TACC2: variants seen among roughly 807,000 people sequenced by gnomAD.
TACC2 encodes the protein transforming acidic coiled-coil containing protein 2, also known as transforming acidic coiled-coil-containing protein 2.
In TACC2, 137 loss-of-function variants were observed where a neutral mutation model predicts 227.3. That is an observed-to-expected ratio of 0.60 (90% CI 0.52 to 0.69). The LOEUF is 0.69. Among genes scored for constraint, TACC2 ranks in the 30% least tolerant of loss-of-function variants. The probability of loss-of-function intolerance (pLI) is 0.00; values close to 1 mark genes in which losing one functional copy is unlikely to be tolerated. For missense variants in TACC2, 3,470 were observed against 3,694.4 expected (o/e 0.94, Z 1.57); for synonymous variants, 1,523 against 1,487.5 (o/e 1.02, Z -0.55).
Position 122,105,624 on chromosome 10 carries a change from C to CT in TACC2, c.5573+17046dup, listed in dbSNP as rs10700461. Among the ~76,000 whole-genome samples, 338 of 144,506 alleles carry CT rather than the reference C, an allele frequency of 2.3e-3. 3 individuals carry two copies. The highest frequency in any genetic ancestry group is 6.9e-3 in the African/African-American group (273 of 39,440). The allele number at this position is 144,506 out of a possible 152,430, so 94.8% of individuals were successfully genotyped here. ...TCCACGTAGCGTCCTGTCTTAAACA[C>CT]TTTTTTTTTTTTTGAGATGGAGTCT... On this transcript the variant is annotated intron_variant, in intron 5 of 22. Transcript: ENST00000369005.
chr10:122,125,449 C>T (rs2086646673), intron 5 of TACC2, among the ~76,000 whole-genome samples: 1 of 152,194 alleles, frequency 6.6e-6, no homozygotes, highest in Non-Finnish European at 1.5e-5. Flanking sequence ...GATCCTCCTG[C>T]TTCAGCCTCC....
chr10:121,993,256 C>T (rs1367035986), intron 1 of TACC2, among the ~76,000 whole-genome samples: 1 of 152,164 alleles, frequency 6.6e-6, no homozygotes. Context: ...ACTCAACTAA[C>T]TTTTAAATGT....
At chr10:122,117,518 A>G (rs369301640) in intron 5 of TACC2, among the ~76,000 whole-genome samples, 2 of 152,076 alleles carry the variant, frequency 1.3e-5, no homozygotes, top group Admixed American at 6.6e-5. Context: ...TTAATTGTTC[A>G]TTTATATTTT....
At chr10:122,114,008 T>C (rs1169276871) in intron 5 of TACC2, among the ~76,000 whole-genome samples, 1 of 152,242 alleles carries the variant, frequency 6.6e-6, no homozygotes, top group Non-Finnish European at 1.5e-5. Context: ...TCATCATCAC[T>C]GTTACTGTTG....
At chr10:122,120,621 C>G (rs531744688) in intron 5 of TACC2, among the ~76,000 whole-genome samples, 1 of 152,298 alleles carries the variant, frequency 6.6e-6, no homozygotes, top group African/African-American at 2.4e-5. Context: ...TGGAGCTCAG[C>G]CTCGTGCGGC....
intron 1 of TACC2, among the ~76,000 whole-genome samples, chr10:121,999,355 A>G (rs1225445254): frequency 6.6e-6 from 1 of 152,214 alleles, no homozygotes; most frequent in Non-Finnish European, 1.5e-5. Flanking sequence ...ACTTTTGGTC[A>G]TTCAGAAAAA....
At chr10:122,232,336 T>C (rs2095770875) in intron 16 of TACC2, among the ~76,000 whole-genome samples, 1 of 150,814 alleles carries the variant, frequency 6.6e-6, no homozygotes, top group Non-Finnish European at 1.5e-5. Flanking sequence ...GGTGAGTAGC[T>C]CAGGGTGGAT....
chr10:122,040,066 C>A (rs1268406070), intron 2 of TACC2, among the ~76,000 whole-genome samples: 1 of 152,170 alleles, frequency 6.6e-6, no homozygotes, highest in African/African-American at 2.4e-5. Flanking sequence ...TCACTTAGGC[C>A]TCCTGGGAGG....
chr10:122,162,978 TGCAGCCCCAGCCCGCTC>T (rs983886330), intron 7 of TACC2, among the ~76,000 whole-genome samples: 7 of 152,058 alleles, frequency 4.6e-5, no homozygotes, highest in African/African-American at 1.2e-4. Flanking sequence ...AAGATGGTGT[TGCAGCCCCAGCCCGCTC>T]GCAGGCCCAG....
intron 5 of TACC2, among the ~76,000 whole-genome samples, chr10:122,095,755 G>A (rs988508902): frequency 3.3e-5 from 5 of 152,240 alleles, no homozygotes; most frequent in Non-Finnish European, 7.3e-5. Context: ...GTCCACCGAC[G>A]GTTCTTCAGT....
At chr10:122,133,697 A>G (rs998044174) in intron 6 of TACC2, among the ~76,000 whole-genome samples, 1 of 152,100 alleles carries the variant, frequency 6.6e-6, no homozygotes, top group Non-Finnish European at 1.5e-5. Context: ...TCCTCCCAGA[A>G]GCCTTCTCCC....
At chr10:122,133,318 G>C (rs956762468) in intron 6 of TACC2, among the ~76,000 whole-genome samples, 1 of 152,002 alleles carries the variant, frequency 6.6e-6, no homozygotes, top group Non-Finnish European at 1.5e-5. Flanking sequence ...ACGGTTCTCC[G>C]TCTACACTGT....
chr10:122,098,542 C>G (rs1212538785), intron 5 of TACC2, among the ~76,000 whole-genome samples: 1 of 152,080 alleles, frequency 6.6e-6, no homozygotes, highest in Non-Finnish European at 1.5e-5. Context: ...CCTTAGCCAC[C>G]CTAAGTTTCT....
At chr10:122,135,020 G>A (rs771825439) in intron 6 of TACC2, among the ~76,000 whole-genome samples, 1 of 152,164 alleles carries the variant, frequency 6.6e-6, no homozygotes, top group African/African-American at 2.4e-5. Flanking sequence ...GTGTTTCATC[G>A]AGTGTCTCCG....
chr10:122,100,796 G>A (rs139882421), intron 5 of TACC2, among the ~76,000 whole-genome samples: 33 of 152,282 alleles, frequency 2.2e-4, no homozygotes, highest in African/African-American at 7.7e-4. Flanking sequence ...GCAGAAGCAG[G>A]CCCAGACTGT....
At chr10:122,117,202 T>TTC (rs1282452648) in intron 5 of TACC2, among the ~76,000 whole-genome samples, 1 of 149,564 alleles carries the variant, frequency 6.7e-6, no homozygotes, top group East Asian at 2.0e-4. Context: ...TTTTTTTTTT[T>TTC]TTTTTTTCTT....
At chr10:122,048,028 G>A (rs370458376) in intron 2 of TACC2, among the ~76,000 whole-genome samples, 12 of 152,320 alleles carry the variant, frequency 7.9e-5, no homozygotes, top group African/African-American at 2.6e-4. Flanking sequence ...GCCAAAGCTA[G>A]CTTGCTCTTC....
intron 7 of TACC2, among the ~76,000 whole-genome samples, chr10:122,153,046 A>G (rs1204875886): frequency 7.5e-6 from 1 of 133,210 alleles, no homozygotes; most frequent in East Asian, 2.3e-4. Context: ...CCCAGGCTGC[A>G]GTGCAGTGGT....
intron 5 of TACC2, among the ~76,000 whole-genome samples, chr10:122,099,325 C>T (rs1232080975): frequency 3.3e-5 from 5 of 152,184 alleles, no homozygotes; most frequent in African/African-American, 1.2e-4. Flanking sequence ...TAAGTCTCAA[C>T]CCCAGACCAG....
Sources: allele counts gnomAD v4.1 joint callset (sites outside exome capture counted in the v4.1 genomes callset), GRCh38; gene constraint gnomAD v4.1.1; transcripts MANE v1.5; gene names NCBI Gene and HGNC (gene_info 2026-07-23, HGNC 2026-07-21).